Variants in SORCS2 observed in about 807,000 individuals in gnomAD.
The protein encoded by SORCS2 is VPS10 domain-containing receptor SorCS2.
In SORCS2, 100 loss-of-function variants were observed where a neutral mutation model predicts 141.6. The observed-to-expected ratio is 0.71, with a 90% CI of 0.60 to 0.83. The LOEUF is 0.83. SORCS2 is among the 40% of genes least tolerant of loss of function. The probability of loss-of-function intolerance (pLI) is 0.00; values close to 1 mark genes in which losing one functional copy is unlikely to be tolerated. For missense variants in SORCS2, 1,646 were observed against 1,560.2 expected (o/e 1.05, Z -0.93); for synonymous variants, 789 against 676.9 (o/e 1.17, Z -2.57).
chr4:7,460,419 C>T (rs971791803), intron 2 of SORCS2, among the ~76,000 whole-genome samples: 2 of 152,226 alleles, frequency 1.3e-5, no homozygotes, highest in African/African-American at 2.4e-5. Flanking sequence ...ACTCCCCCAG[C>T]TTCAGAACAG....
intron 1 of SORCS2, among the ~76,000 whole-genome samples, chr4:7,287,266 G>A (rs997980087): frequency 2.0e-5 from 3 of 152,242 alleles, no homozygotes; most frequent in African/African-American, 7.2e-5. Flanking sequence ...AGACCACAAG[G>A]CGAGACCCTG....
At chr4:7,578,322 T>C (rs946649253) in intron 3 of SORCS2, among the ~76,000 whole-genome samples, 2 of 152,162 alleles carry the variant, frequency 1.3e-5, no homozygotes, top group African/African-American at 4.8e-5. Context: ...CCTTAATAAA[T>C]TACCCGGTGT....
chr4:7,676,070 G>T lies in SORCS2; in HGVS notation c.1182G>T (p.Thr394=). ...CACAGGATCTGCAGATCATCAGCAC[G>T]GACGAGAGTCAGGTGTTCGTGGCGG... The part of the protein sequence containing the change: ...ALPKDLQIIS[T]DESQVFVAVQ... Residue 394 remains threonine, a synonymous_variant, in exon 9 of 27, where the codon ACG becomes ACT. Transcript: ENST00000507866. The T allele has an allele frequency of 6.3e-7, 1 of 1,589,104 alleles. No individual in the cohort carries two copies. The highest frequency in any genetic ancestry group is 1.1e-5 in the South Asian group (1 of 87,132).
intron 1 of SORCS2, among the ~76,000 whole-genome samples, chr4:7,345,828 G>A (rs908023377): frequency 6.6e-6 from 1 of 152,126 alleles, no homozygotes; most frequent in African/African-American, 2.4e-5. Flanking sequence ...TCCAGTTTCT[G>A]GAGTTCCTCT....
chr4:7,389,069 C>T (rs1463143148), intron 1 of SORCS2, among the ~76,000 whole-genome samples: 1 of 152,218 alleles, frequency 6.6e-6, no homozygotes, highest in African/African-American at 2.4e-5. Context: ...GTGGATCATT[C>T]CTGCCCCCAC....
chr4:7,260,049 C>G (rs58455767), intron 1 of SORCS2, among the ~76,000 whole-genome samples: 3,828 of 152,346 alleles, frequency 0.025, 68 homozygotes, highest in South Asian at 0.047. Flanking sequence ...TCACTCCCCT[C>G]TCCTGCCCTC....
chr4:7,236,896 A>T (rs994390408), intron 1 of SORCS2, among the ~76,000 whole-genome samples: 2 of 152,204 alleles, frequency 1.3e-5, no homozygotes, highest in African/African-American at 4.8e-5. Flanking sequence ...TATTGTTTTA[A>T]TGCTGTCTCA....
At chr4:7,726,307 G>A (rs981383526) in intron 20 of SORCS2, among the ~76,000 whole-genome samples, 7 of 152,226 alleles carry the variant, frequency 4.6e-5, no homozygotes, top group African/African-American at 1.7e-4. Flanking sequence ...AAGGAAGGGG[G>A]TGCTGGGACC....
intron 2 of SORCS2, among the ~76,000 whole-genome samples, chr4:7,494,195 G>A (rs1413760834): frequency 3.3e-5 from 5 of 152,130 alleles, no homozygotes; most frequent in African/African-American, 4.8e-5. Context: ...TCTTCTTGGC[G>A]TCACTTCCCA....
chr4:7,403,853 C>T (rs893512008), intron 2 of SORCS2, among the ~76,000 whole-genome samples: 1 of 149,022 alleles, frequency 6.7e-6, no homozygotes, highest in South Asian at 2.1e-4. Flanking sequence ...ATTCATCACC[C>T]GAATAATGTA....
chr4:7,702,659 C>G (rs1381448037), intron 12 of SORCS2, among the ~76,000 whole-genome samples: 1 of 152,208 alleles, frequency 6.6e-6, no homozygotes, highest in African/African-American at 2.4e-5. Flanking sequence ...CATTCATTCA[C>G]TTGTTCACTG....
At chr4:7,257,613 A>G (rs1301739137) in intron 1 of SORCS2, among the ~76,000 whole-genome samples, 1 of 152,110 alleles carries the variant, frequency 6.6e-6, no homozygotes, top group Non-Finnish European at 1.5e-5. Context: ...TGTGTCCTTG[A>G]CAAGTCCCTT....
intron 2 of SORCS2, among the ~76,000 whole-genome samples, chr4:7,495,482 A>C (rs1428843062): frequency 6.6e-6 from 1 of 152,174 alleles, no homozygotes; most frequent in African/African-American, 2.4e-5. Context: ...GTGAGAACAG[A>C]GCTCCTTCCA....
chr4:7,455,886 C>G (rs759633180), intron 2 of SORCS2, among the ~76,000 whole-genome samples: 2 of 152,154 alleles, frequency 1.3e-5, no homozygotes, highest in Non-Finnish European at 2.9e-5. Flanking sequence ...TGGTATCAGG[C>G]GCCGGGTTAG....
chr4:7,386,018 C>CA (rs1723272013), intron 1 of SORCS2, among the ~76,000 whole-genome samples: 1 of 152,194 alleles, frequency 6.6e-6, no homozygotes, highest in Non-Finnish European at 1.5e-5. Flanking sequence ...GACTGGGGTA[C>CA]ATCCACTTTG....
At chr4:7,589,249 G>C in intron 3 of SORCS2, among the ~76,000 whole-genome samples, 1 of 152,212 alleles carries the variant, frequency 6.6e-6, no homozygotes, top group East Asian at 1.9e-4. Context: ...TCAACAGTGA[G>C]AATGGAAGGA....
At chr4:7,219,026 G>A (rs193223625) in intron 1 of SORCS2, among the ~76,000 whole-genome samples, 1 of 152,180 alleles carries the variant, frequency 6.6e-6, no homozygotes, top group Non-Finnish European at 1.5e-5. Context: ...CCATGCCTGG[G>A]TGACTCCCTC....
chr4:7,464,257 G>C (rs1367928160), intron 2 of SORCS2, among the ~76,000 whole-genome samples: 1 of 152,174 alleles, frequency 6.6e-6, no homozygotes, highest in Admixed American at 6.5e-5. Context: ...ACTCTAGCTG[G>C]AGAAGCCAGT....
At chr4:7,594,437 G>A (rs1356362709) in intron 3 of SORCS2, among the ~76,000 whole-genome samples, 1 of 152,222 alleles carries the variant, frequency 6.6e-6, no homozygotes, top group African/African-American at 2.4e-5. Context: ...CCGAGGAAGG[G>A]TAAGCTTCTT....
Sources: allele counts gnomAD v4.1 joint callset (sites outside exome capture counted in the v4.1 genomes callset), GRCh38; gene constraint gnomAD v4.1.1; transcripts MANE v1.5; gene names NCBI Gene and HGNC (gene_info 2026-07-23, HGNC 2026-07-21).